TUBA1C: variants seen among roughly 807,000 people sequenced by gnomAD.
TUBA1C encodes the protein tubulin alpha 1c, also known as tubulin alpha-1C chain.
Under a neutral mutation model 34.9 loss-of-function variants are expected in TUBA1C, and 16 were observed. The observed-to-expected ratio is 0.46, with a 90% CI of 0.31 to 0.70. The LOEUF is 0.70. TUBA1C is among the 30% of genes least tolerant of loss of function. The pLI is 0.05. For missense variants in TUBA1C, 329 were observed against 587.3 expected (o/e 0.56, Z 4.55); for synonymous variants, 177 against 215.9 (o/e 0.82, Z 1.58).
intron 1 of TUBA1C, among the ~76,000 whole-genome samples, chr12:49,257,517 C>T (rs1043783063): frequency 6.6e-6 from 1 of 151,648 alleles, no homozygotes; most frequent in African/African-American, 2.4e-5. Context: ...CGAGGTGGCT[C>T]AAGCTTGTAA....
At chr12:49,250,066 C>T (rs543139267) in intron 1 of TUBA1C, among the ~76,000 whole-genome samples, 5 of 151,790 alleles carry the variant, frequency 3.3e-5, no homozygotes, top group East Asian at 1.9e-4. Flanking sequence ...GGTGTGGTGG[C>T]GGGTGCCTGT....
At chr12:49,236,597 T>C (rs779220988) in intron 1 of TUBA1C, among the ~76,000 whole-genome samples, 14 of 152,220 alleles carry the variant, frequency 9.2e-5, no homozygotes, top group Non-Finnish European at 1.9e-4. Context: ...GTCATGTGAC[T>C]TCCATATAAG....
upstream of TUBA1C, among the ~76,000 whole-genome samples, chr12:49,261,333 T>C (rs1423143839): frequency 6.6e-6 from 1 of 152,212 alleles, no homozygotes; most frequent in African/African-American, 2.4e-5. Flanking sequence ...CTTGTTACAT[T>C]AGTAACCTTA....
chr12:49,267,795 G>A (rs1942935087), intron 1 of TUBA1C, among the ~76,000 whole-genome samples: 1 of 152,138 alleles, frequency 6.6e-6, no homozygotes, highest in Non-Finnish European at 1.5e-5. Flanking sequence ...GGGGAGTGTA[G>A]GTGGGAAGGA....
At chr12:49,236,066 A>G (rs1482231577) in intron 1 of TUBA1C, among the ~76,000 whole-genome samples, 1 of 152,244 alleles carries the variant, frequency 6.6e-6, no homozygotes, top group Non-Finnish European at 1.5e-5. Context: ...AAATGAAATT[A>G]ATCTGGGAGT....
intron 1 of TUBA1C, among the ~76,000 whole-genome samples, chr12:49,230,053 C>T (rs977797791): frequency 6.7e-6 from 1 of 150,032 alleles, no homozygotes; most frequent in Non-Finnish European, 1.5e-5. Context: ...CCCAAAGTGC[C>T]GGGATTACAG....
intron 1 of TUBA1C, among the ~76,000 whole-genome samples, chr12:49,231,616 G>A (rs138570185): frequency 3.3e-5 from 5 of 152,286 alleles, no homozygotes; most frequent in Non-Finnish European, 5.9e-5. Context: ...AGAACACGGC[G>A]TAGTATTGTG....
chr12:49,240,923 A>C (rs929815123), intron 1 of TUBA1C, among the ~76,000 whole-genome samples: 2 of 151,622 alleles, frequency 1.3e-5, no homozygotes, highest in Non-Finnish European at 2.9e-5. Flanking sequence ...TCTTTTTGAG[A>C]TGGAGTCTCA....
At chr12:49,256,472 T>C (rs1167011044) in intron 1 of TUBA1C, 1 of 454,852 alleles carries the variant, frequency 2.2e-6, no homozygotes, top group Non-Finnish European at 4.4e-6. Flanking sequence ...AAGAAGTCGA[T>C]TTTGTAGTTA....
At chr12:49,239,019 C>A (rs111472850) in intron 1 of TUBA1C, among the ~76,000 whole-genome samples, 1 of 152,192 alleles carries the variant, frequency 6.6e-6, no homozygotes, top group African/African-American at 2.4e-5. Flanking sequence ...CAGCCCCTCT[C>A]CCCTCCCTGG....
rs375529604 is a variant in TUBA1C at position 49,238,069 on chromosome 12, A to G, written c.213+9903A>G. 4.0e-5 allele frequency among the ~76,000 whole-genome samples: 6 copies of G among 151,500 alleles called. No homozygotes were observed. In the East Asian group the frequency reaches 9.7e-4, roughly 25 times the overall value. On this transcript the variant is annotated intron_variant, in intron 1 of 3. Transcript: ENST00000541364. ...GGTTGCAGTGAGCCAAGATTGTTCC[A>G]CTGCACTCCAGCCTGGGTGACAAGA...
intron 1 of TUBA1C, among the ~76,000 whole-genome samples, chr12:49,266,907 T>C (rs971110835): frequency 2.0e-5 from 3 of 152,178 alleles, no homozygotes; most frequent in Non-Finnish European, 4.4e-5. Context: ...TAACAACTTA[T>C]TGCTTCTTTT....
chr12:49,255,439 A>C (rs916092946), intron 1 of TUBA1C, among the ~76,000 whole-genome samples: 1 of 147,396 alleles, frequency 6.8e-6, no homozygotes, highest in African/African-American at 2.5e-5. Flanking sequence ...TATTTCTCTG[A>C]TAGAGGTCTT....
intron 1 of TUBA1C, among the ~76,000 whole-genome samples, chr12:49,269,036 C>T (rs1487235210): frequency 6.6e-6 from 1 of 152,108 alleles, no homozygotes; most frequent in Non-Finnish European, 1.5e-5. Context: ...ATTATAGTCC[C>T]TGAGCAGGAG....
chr12:49,238,211 A>C (rs961719498), intron 1 of TUBA1C, among the ~76,000 whole-genome samples: 3 of 152,316 alleles, frequency 2.0e-5, no homozygotes, highest in African/African-American at 7.2e-5. Flanking sequence ...AGAATAGGAA[A>C]TACTGATGGC....
At chr12:49,237,674 G>C (rs535718466) in intron 1 of TUBA1C, among the ~76,000 whole-genome samples, 1 of 151,480 alleles carries the variant, frequency 6.6e-6, no homozygotes, top group African/African-American at 2.4e-5. Context: ...GAGCCTAGGA[G>C]TTCGAGGGTG....
chr12:49,248,976 G>A (rs1942705308), intron 1 of TUBA1C, among the ~76,000 whole-genome samples: 1 of 151,328 alleles, frequency 6.6e-6, no homozygotes, highest in African/African-American at 2.4e-5. Flanking sequence ...TAGGTCAAAA[G>A]CCACTTCACA....
chr12:49,230,535 C>T (rs555372139), intron 1 of TUBA1C, among the ~76,000 whole-genome samples: 2 of 152,306 alleles, frequency 1.3e-5, no homozygotes, highest in African/African-American at 4.8e-5. Flanking sequence ...ATAACATCCT[C>T]CACAGGGTGC....
In TUBA1C at chr12:49,228,122, T is replaced by C. The variant is rs866133429; in HGVS notation, c.169T>C (p.Cys57Arg). Reference sequence around the variant, plus strand: ...TCAGCTCCCTGCGCCTTTTAACACATGCACATCCAGCAAAAGCAGAGGAGA... The same window carrying C: ...TCAGCTCCCTGCGCCTTTTAACACACGCACATCCAGCAAAAGCAGAGGAGA... The change falls in exon 1 of 4, where the codon TGC becomes CGC. Residue 57 changes from cysteine (C) to arginine (R), a missense_variant. Coordinates refer to the TUBA1C transcript ENST00000541364. The C allele has an allele frequency of 8.5e-6, 13 of 1,535,606 alleles. No individual in the cohort carries two copies. The African/African-American group carries it at 1.1e-4, about 13-fold the overall frequency.
Sources: gnomAD v4.1 joint callset for allele counts (sites outside exome capture counted in the v4.1 genomes callset) on GRCh38, gnomAD v4.1.1 for gene constraint, MANE v1.5 for transcripts, NCBI Gene and HGNC (gene_info 2026-07-23, HGNC 2026-07-21) for gene names.